Variants in LYN observed in about 807,000 individuals in gnomAD.
The protein encoded by LYN is tyrosine-protein kinase Lyn.
Under a neutral mutation model 65.0 loss-of-function variants are expected in LYN, and 12 were observed. The observed-to-expected ratio is 0.18, with a 90% CI of 0.12 to 0.30. LYN has a LOEUF of 0.30. Ranked by LOEUF, LYN falls within the 10% of genes least tolerant of loss-of-function variation. The probability of loss-of-function intolerance (pLI) is 1.00; values close to 1 mark genes in which losing one functional copy is unlikely to be tolerated. For missense variants in LYN, 380 were observed against 623.2 expected, an observed-to-expected ratio of 0.61 and a Z score of 4.16; for synonymous variants, 222 against 221.2, an observed-to-expected ratio of 1.00 and a Z score of -0.03.
At position 55,886,239 on chromosome 8, in the gene LYN, A is replaced by T. The variant is rs563870598; in HGVS notation, c.-6+6136A>T. Among the ~76,000 whole-genome samples, 81 of 137,356 alleles carry T rather than the reference A, an allele frequency of 5.9e-4. 1 individual carries two copies. In the Middle Eastern group the frequency reaches 0.015, roughly 26 times the overall value. 90.1% of individuals were successfully genotyped at this position (137,356 alleles called of 152,430 possible). On this transcript the variant is annotated intron_variant, in intron 1 of 12. Transcript: ENST00000519728. Reference sequence around the variant, plus strand: ...TGGGATAGAACAGTGGCTGTCAAACATCTTTTTTTTTTTTTTTTTGAGATG... The same window carrying T: ...TGGGATAGAACAGTGGCTGTCAAACTTCTTTTTTTTTTTTTTTTTGAGATG...
At chr8:55,970,398 A>G (rs1442656827) in intron 10 of LYN, among the ~76,000 whole-genome samples, 4 of 152,188 alleles carry the variant, frequency 2.6e-5, no homozygotes. Context: ...CAGAAGCCCC[A>G]CAATGTGCCC....
At chr8:55,972,634 A>G (rs1279744929) in intron 10 of LYN, among the ~76,000 whole-genome samples, 1 of 152,188 alleles carries the variant, frequency 6.6e-6, no homozygotes, top group African/African-American at 2.4e-5. Flanking sequence ...CAAGAAGGCC[A>G]TCTCTGCATT....
chr8:55,963,586 A>G (rs1807350197), intron 8 of LYN, among the ~76,000 whole-genome samples: 1 of 152,182 alleles, frequency 6.6e-6, no homozygotes, highest in Admixed American at 6.5e-5. Context: ...TCAGCACTTG[A>G]TATTACCAGA....
intron 12 of LYN, among the ~76,000 whole-genome samples, chr8:56,009,059 T>G (rs1483740326): frequency 6.6e-6 from 1 of 152,238 alleles, no homozygotes; most frequent in Non-Finnish European, 1.5e-5. Context: ...GTGCTGACTT[T>G]AAGTAAATGA....
At chr8:55,926,408 A>G (rs1806111838) in intron 1 of LYN, among the ~76,000 whole-genome samples, 1 of 152,270 alleles carries the variant, frequency 6.6e-6, no homozygotes, top group Non-Finnish European at 1.5e-5. Context: ...CTACATTATC[A>G]GATGTACTTT....
intron 4 of LYN, among the ~76,000 whole-genome samples, chr8:55,949,842 A>AT (rs1428119412): frequency 6.6e-6 from 1 of 152,172 alleles, no homozygotes; most frequent in Non-Finnish European, 1.5e-5. Flanking sequence ...TAGTCACAGA[A>AT]TTGTGCAATC....
At chr8:55,975,571 A>G (rs16922504) in intron 10 of LYN, among the ~76,000 whole-genome samples, 2,459 of 152,366 alleles carry the variant, frequency 0.016, 154 homozygotes, top group East Asian at 0.12. Context: ...GGGAACACAA[A>G]TATATCACTT....
At chr8:55,890,673 G>T (rs1804931370) in intron 1 of LYN, among the ~76,000 whole-genome samples, 1 of 151,716 alleles carries the variant, frequency 6.6e-6, no homozygotes. Flanking sequence ...AGAATTAGAA[G>T]TAACTCATGT....
At chr8:55,977,578 G>C (rs1427224868) in intron 10 of LYN, among the ~76,000 whole-genome samples, 3 of 152,020 alleles carry the variant, frequency 2.0e-5, no homozygotes, top group Non-Finnish European at 4.4e-5. Flanking sequence ...GACCAGGAAG[G>C]GTGGGATGGA....
At position 55,880,013 on chromosome 8, in the gene LYN, G is replaced by A. The variant is rs1228917335; in HGVS notation, c.-96G>A. 8 of 300,488 alleles carry A rather than the reference G, an allele frequency of 2.7e-5. No individual in the cohort carries two copies. Among genetic ancestry groups the A allele is most frequent in the Non-Finnish European group, 5.5e-5 (8 of 146,098 alleles). The allele number at this position is 300,488 out of a possible 1,614,324, so 18.6% of individuals were successfully genotyped here. On this transcript the variant is annotated 5_prime_UTR_variant, in exon 1 of 13. Coordinates refer to ENST00000519728, the MANE Select transcript of LYN (RefSeq NM_002350.4). Reference sequence around the variant, plus strand: ...TTCCCGGCCAGCAGCCTCCCCATACGCAGGTCCTGCTGGGCCGCCCCGTCG... The same window carrying A: ...TTCCCGGCCAGCAGCCTCCCCATACACAGGTCCTGCTGGGCCGCCCCGTCG...
intron 4 of LYN, 26 bp downstream of exon 4, chr8:55,947,749 C>CT: frequency 6.7e-7 from 1 of 1,502,840 alleles, no homozygotes; most frequent in Non-Finnish European, 9.3e-7. Context: ...CACGCCACGG[C>CT]TGCTCGTTTC....
At chr8:55,955,497 C>T (rs1411262516) in intron 8 of LYN, among the ~76,000 whole-genome samples, 1 of 152,182 alleles carries the variant, frequency 6.6e-6, no homozygotes, top group Non-Finnish European at 1.5e-5. Flanking sequence ...TCTTCCTCCT[C>T]ATTTCTCTGT....
At chr8:55,895,361 T>A (rs1366117529) in intron 1 of LYN, among the ~76,000 whole-genome samples, 2 of 152,198 alleles carry the variant, frequency 1.3e-5, no homozygotes. Context: ...CTTGGCTGGA[T>A]TCCTTACTAA....
At position 55,908,343 on chromosome 8, in the gene LYN, C is replaced by T. The variant is rs182553487; in HGVS notation, c.-6+28240C>T. 3.9e-3 allele frequency among the ~76,000 whole-genome samples: 596 copies of T among 151,916 alleles called. 4 individuals carry two copies. The highest frequency in any genetic ancestry group is 0.013 in the African/African-American group (553 of 41,374). On this transcript the variant is annotated intron_variant, in intron 1 of 12. Coordinates refer to ENST00000519728, the MANE Select transcript of LYN (RefSeq NM_002350.4). ...CACTGCAACCTCTGCCTCCCAGGTT[C>T]GAGTGATTCTCCTGCTGTGGCCTCC...
chr8:55,982,513 T>C (rs971270179), intron 10 of LYN, among the ~76,000 whole-genome samples: 3 of 152,144 alleles, frequency 2.0e-5, no homozygotes, highest in African/African-American at 7.2e-5. Context: ...TTCTTTTCCA[T>C]TTCCAGACCT....
chr8:55,901,618 G>A lies in LYN; in HGVS notation c.-6+21515G>A, dbSNP rs1805266731. Among the ~76,000 whole-genome samples the A allele has an allele frequency of 2.6e-5, 4 of 152,174 alleles. No individual in the cohort carries two copies. In the South Asian group the frequency reaches 8.3e-4, roughly 32 times the overall value. On this transcript the variant is annotated intron_variant, in intron 1 of 12. Coordinates refer to ENST00000519728, the MANE Select transcript of LYN (RefSeq NM_002350.4). ...CTCTTGCTCTGTGGGGTCAGGTAGGGCCGGGGGAGGTCCTGCATGAATATT... is the reference window on the plus strand; with the variant it reads ...CTCTTGCTCTGTGGGGTCAGGTAGGACCGGGGGAGGTCCTGCATGAATATT...
chr8:55,934,991 A>G (rs1287435206), intron 1 of LYN, among the ~76,000 whole-genome samples: 1 of 152,160 alleles, frequency 6.6e-6, no homozygotes, highest in Non-Finnish European at 1.5e-5. Flanking sequence ...CCATCGAAGC[A>G]GCTCTGTGGT....
At chr8:55,991,598 C>T (rs1808251942) in intron 10 of LYN, among the ~76,000 whole-genome samples, 1 of 152,038 alleles carries the variant, frequency 6.6e-6, no homozygotes, top group Non-Finnish European at 1.5e-5. Context: ...ACCAGAACCC[C>T]CCACCCCCAG....
intron 10 of LYN, among the ~76,000 whole-genome samples, chr8:55,971,809 T>C (rs1016904252): frequency 1.3e-5 from 2 of 152,186 alleles, no homozygotes; most frequent in African/African-American, 4.8e-5. Flanking sequence ...CGAAAAGTAA[T>C]TTTTCTAACC....
Sources: allele counts gnomAD v4.1 joint callset (sites outside exome capture counted in the v4.1 genomes callset), GRCh38; gene constraint gnomAD v4.1.1; transcripts MANE v1.5; gene names NCBI Gene and HGNC (gene_info 2026-07-23, HGNC 2026-07-21).